ZC3H7A: variants seen among roughly 807,000 people sequenced by gnomAD.
ZC3H7A encodes the protein zinc finger CCCH-type containing 7A.
Under a neutral mutation model 125.5 loss-of-function variants are expected in ZC3H7A, and 44 were observed. That is an observed-to-expected ratio of 0.35 (90% CI 0.28 to 0.45). The LOEUF (loss-of-function observed/expected upper bound fraction) is 0.45, where lower values mean the gene tolerates loss of function less well. Among genes scored for constraint, ZC3H7A ranks in the 20% least tolerant of loss-of-function variants. The pLI, the probability that ZC3H7A is intolerant of heterozygous loss-of-function variation, is 1.00. For missense variants in ZC3H7A, 977 were observed against 1,170.7 expected, an observed-to-expected ratio of 0.83 and a Z score of 2.41; for synonymous variants, 399 against 391.2, an observed-to-expected ratio of 1.02 and a Z score of -0.23.
chr16:11,791,993 C>A (rs1412896266), intron 1 of ZC3H7A, among the ~76,000 whole-genome samples: 1 of 152,134 alleles, frequency 6.6e-6, no homozygotes, highest in Non-Finnish European at 1.5e-5. Context: ...CTCACTGCAG[C>A]CTCAACCTCC....
In ZC3H7A at chr16:11,765,410, G is replaced by T; in HGVS notation, c.1719+79C>A. 1 of 1,003,194 alleles carries T rather than the reference G, an allele frequency of 1.0e-6. No individual in the cohort carries two copies. Among genetic ancestry groups the T allele is most frequent in the Non-Finnish European group, 1.4e-6 (1 of 704,530 alleles). The allele number at this position is 1,003,194 out of a possible 1,614,324, so 62.1% of individuals were successfully genotyped here. ...ATATTTATTCATTTACCAAGTGAAT[G>T]TTTTATCACATGGCAGGACAATACC... On this transcript the variant is annotated intron_variant, in intron 14 of 22. Transcript: ENST00000355758. This position sits in a 1 kb window ranked among gnomAD's most constrained non-coding sequence, Gnocchi z 4.8.
chr16:11,790,968 G>A (rs1438365162), intron 1 of ZC3H7A, among the ~76,000 whole-genome samples: 1 of 151,758 alleles, frequency 6.6e-6, no homozygotes, highest in Non-Finnish European at 1.5e-5. Flanking sequence ...CAGCTACTCA[G>A]AGGCTAAGGG....
At chr16:11,770,562 C>A (rs2052962412) in intron 10 of ZC3H7A, among the ~76,000 whole-genome samples, 1 of 152,174 alleles carries the variant, frequency 6.6e-6, no homozygotes, top group Admixed American at 6.5e-5. Context: ...AACACCAGTG[C>A]CACACACATT....
chr16:11,762,183 C>T (rs2052763674), intron 17 of ZC3H7A, 140 bp from the exon 18 acceptor site: 5 of 843,446 alleles, frequency 5.9e-6, no homozygotes, highest in Non-Finnish European at 6.9e-6. Context: ...ACCATTATAT[C>T]TGATAACTAA....
intron 21 of ZC3H7A, chr16:11,753,069 G>T (rs2052578509): frequency 2.2e-6 from 1 of 461,398 alleles, no homozygotes; most frequent in East Asian, 3.7e-5. Context: ...ATAGGAGCTG[G>T]TATGCAAACA....
At position 11,768,316 on chromosome 16, in the gene ZC3H7A, T is replaced by G. The variant is rs191674544; in HGVS notation, c.1359A>C (p.Ser453=). 1.3e-6 allele frequency: 2 copies of G among 1,533,236 alleles called. No individual in the cohort carries two copies. Among genetic ancestry groups the G allele is most frequent in the Non-Finnish European group, 1.8e-6 (2 of 1,131,166 alleles). 95.0% of individuals were successfully genotyped at this position (1,533,236 alleles called of 1,614,324 possible). A position where few individuals can be genotyped will look rare whatever the true frequency, so the allele number is the denominator to read the frequency against. The part of the protein sequence containing the change: ...RQACQICFVK[S]GPKLMDFTYH... ...TCTGCGTGTTTGTTTGGTCCTGACC[T>G]GATTTTACAAAACAGATCTGGCAAG... The change falls in exon 12 of 23, where the codon TCA becomes TCC. Residue 453 remains serine, a splice_region_variant and synonymous_variant. Transcript: ENST00000355758.
At chr16:11,760,122 GAAAAAAAAAAAAAAAAA>G (rs66812605) in intron 19 of ZC3H7A, among the ~76,000 whole-genome samples, 2 of 82,532 alleles carry the variant, frequency 2.4e-5, no homozygotes, top group Non-Finnish European at 4.3e-5. Context: ...AAGAAAAAAT[GAAAAAAAAAAAAAAAAA>G]AAAAAAGAAA....
At position 11,774,420 on chromosome 16, in the gene ZC3H7A, A is replaced by G. The variant is rs760606858; in HGVS notation, c.719T>C (p.Met240Thr). The G allele has an allele frequency of 6.2e-6, 10 of 1,612,594 alleles. No individual in the cohort carries two copies. In the African/African-American group the frequency reaches 6.7e-5, roughly 11 times the overall value. ...VGSELASVPVMPLTSILPLQV... is the reference protein window; with the variant it reads ...VGSELASVPVTPLTSILPLQV... ...TAGTGGCAAAATAGAAGTTAAGGGCATAACAGGAACTGAGGCCAGCTCACT... is the reference window on the plus strand; with the variant it reads ...TAGTGGCAAAATAGAAGTTAAGGGCGTAACAGGAACTGAGGCCAGCTCACT... The change falls in exon 9 of 23, where the codon ATG becomes ACG. Residue 240 changes from methionine to threonine, a missense_variant. Transcript: ENST00000355758.
At position 11,761,497 on chromosome 16, in the gene ZC3H7A, C is replaced by A; in HGVS notation, c.2228G>T (p.Arg743Leu). The A allele has an allele frequency of 1.2e-6, 2 of 1,613,920 alleles. No homozygotes were observed. Among genetic ancestry groups the A allele is most frequent in the Non-Finnish European group, 1.7e-6 (2 of 1,179,928 alleles). ...AKARHSWTKD[R>L]RAMRVMSIER... ...AATAGACATCACTCTCATCGCACGCCGGTCTTTGGTCCACCTAAGAAAAAT... is the reference window on the plus strand; with the variant it reads ...AATAGACATCACTCTCATCGCACGCAGGTCTTTGGTCCACCTAAGAAAAAT... Residue 743 changes from arginine (R) to leucine (L), a missense_variant, in exon 19 of 23, where the codon CGG becomes CTG. Arg to Leu is a moderately radical substitution (Grantham distance 102). Around this residue, in one of 3 missense-constraint regions of ZC3H7A, gnomAD observed 436 missense variants for 603.2 expected, o/e 0.72. Coordinates refer to ENST00000355758, the MANE Select transcript of ZC3H7A (RefSeq NM_014153.4).
intron 1 of ZC3H7A, among the ~76,000 whole-genome samples, chr16:11,791,088 AACACACAC>A (rs34972921): frequency 1.3e-3 from 171 of 136,112 alleles, no homozygotes; most frequent in Middle Eastern, 0.011. Context: ...AAATTTTTAA[AACACACAC>A]ACACACACAC....
chr16:11,795,461 G>A (rs916974684), intron 1 of ZC3H7A, among the ~76,000 whole-genome samples: 2 of 152,242 alleles, frequency 1.3e-5, no homozygotes, highest in African/African-American at 4.8e-5. Context: ...TGTGGAGAGG[G>A]AGTCTCGCTC....
intron 13 of ZC3H7A, among the ~76,000 whole-genome samples, chr16:11,766,776 G>A (rs1434533168): frequency 2.6e-5 from 4 of 151,864 alleles, no homozygotes; most frequent in Admixed American, 1.3e-4. Flanking sequence ...CCAGCTACTC[G>A]GGAGGCTGAG....
rs757589257 is a variant in ZC3H7A at position 11,774,231 on chromosome 16, C to T, written c.903+5G>A. ...AGAAGAAACTTGAGTAACACTGAAA[C>T]TTACCATAACAGTTTCATTAGTTTC... On this transcript the variant is annotated splice_donor_5th_base_variant and intron_variant, in intron 9 of 22. Transcript: ENST00000355758. 1 of 1,555,262 alleles carries T rather than the reference C, an allele frequency of 6.4e-7. No homozygotes were observed.
At chr16:11,795,812 GTTTT>G (rs1377135677) in intron 1 of ZC3H7A, among the ~76,000 whole-genome samples, 1 of 152,048 alleles carries the variant, frequency 6.6e-6, no homozygotes, top group South Asian at 2.1e-4. Flanking sequence ...ATTAACTTTT[GTTTT>G]TTTATTTGTT....
At chr16:11,755,011 C>A (rs1489467637) in intron 21 of ZC3H7A, among the ~76,000 whole-genome samples, 2 of 151,396 alleles carry the variant, frequency 1.3e-5, no homozygotes, top group Non-Finnish European at 2.9e-5. Flanking sequence ...AGTTTGAGAC[C>A]AGCCTGGCCA....
At chr16:11,780,757 T>G (rs1309941642) in intron 3 of ZC3H7A, among the ~76,000 whole-genome samples, 1 of 152,012 alleles carries the variant, frequency 6.6e-6, no homozygotes, top group Non-Finnish European at 1.5e-5. Context: ...TTTAGAAGCC[T>G]CAAAACCCTC....
At chr16:11,764,113 C>G (rs1419273645) in intron 15 of ZC3H7A, among the ~76,000 whole-genome samples, 3 of 151,540 alleles carry the variant, frequency 2.0e-5, no homozygotes, top group Admixed American at 1.3e-4. Context: ...AAATTTTTAT[C>G]GGAAAAAAAA....
chr16:11,794,797 G>A (rs2053408927), intron 1 of ZC3H7A, among the ~76,000 whole-genome samples: 1 of 152,164 alleles, frequency 6.6e-6, no homozygotes, highest in Non-Finnish European at 1.5e-5. Flanking sequence ...CAACTGGCAG[G>A]TTTTAAAATC....
chr16:11,768,644 A>G, intron 11 of ZC3H7A, 143 bp from the exon 12 acceptor site: 2 of 754,124 alleles, frequency 2.7e-6, no homozygotes, highest in Non-Finnish European at 3.7e-6. Flanking sequence ...ATGCTCTTCT[A>G]TCTTAAAAAC....
Sources: gnomAD v4.1 joint callset for allele counts (sites outside exome capture counted in the v4.1 genomes callset) on GRCh38, gnomAD v4.1.1 for gene constraint, gnomAD v4.1.1 regional missense constraint, Gnocchi (gnomAD v3.1) non-coding constraint, MANE v1.5 for transcripts, NCBI Gene and HGNC (gene_info 2026-07-23, HGNC 2026-07-21) for gene names.